The following TSKU variants were observed in gnomAD, a reference collection of about 807,000 sequenced individuals.
TSKU encodes tsukushi.
A neutral mutation model predicts 11.2 loss-of-function variants in TSKU; 4 were observed. The ratio of observed to expected loss-of-function variants is 0.36; its 90% CI spans 0.18 to 0.82. The LOEUF is 0.82. Among genes scored for constraint, TSKU ranks in the 40% least tolerant of loss-of-function variants. The probability of loss-of-function intolerance (pLI) is 0.50; values close to 1 mark genes in which losing one functional copy is unlikely to be tolerated. For synonymous variants in TSKU, 220 were observed against 232.2 expected (o/e 0.95, Z 0.48); for missense variants, 407 against 482.5 (o/e 0.84, Z 1.47).
intron 1 of TSKU, among the ~76,000 whole-genome samples, chr11:76,790,304 T>G (rs1331909020): frequency 6.6e-6 from 1 of 152,038 alleles, no homozygotes; most frequent in African/African-American, 2.4e-5. Flanking sequence ...CAGGCACAGT[T>G]GCCCTGTCAC....
chr11:76,795,411 A>G (rs1370293175), intron 1 of TSKU, among the ~76,000 whole-genome samples, 198 bp from the exon 2 acceptor site: 2 of 152,204 alleles, frequency 1.3e-5, no homozygotes, highest in African/African-American at 4.8e-5. Flanking sequence ...ACCTGGCCTC[A>G]CGCCCCTTAC....
intron 1 of TSKU, among the ~76,000 whole-genome samples, chr11:76,783,996 C>A (rs1944275541): frequency 6.6e-6 from 1 of 152,190 alleles, no homozygotes; most frequent in African/African-American, 2.4e-5. Context: ...TCCTCCCCAC[C>A]GCTACCCGGC....
Position 76,796,147 on chromosome 11 carries a change from G to A in TSKU, c.531G>A (p.Thr177=), listed in dbSNP as rs755743047. The A allele has an allele frequency of 1.1e-5, 17 of 1,613,536 alleles. No individual in the cohort carries two copies. Among genetic ancestry groups the A allele is most frequent in the African/African-American group, 4.0e-5 (3 of 74,998 alleles). The change falls in exon 2 of 2, where the codon ACG becomes ACA. Residue 177 remains threonine (T), a synonymous_variant. Coordinates refer to ENST00000333090, the MANE Select transcript of TSKU (RefSeq NM_015516.4). This position sits in a 1 kb window ranked among gnomAD's most constrained non-coding sequence, Gnocchi z 4.1. ...NLIHRLVPHP[T]RAGLPAPTIQ... ...TTCACCGCCTCGTGCCCCACCCCAC[G>A]AGGGCCGGCCTGCCTGCGCCCACCA...
intron 1 of TSKU, among the ~76,000 whole-genome samples, chr11:76,791,601 C>T (rs150388531): frequency 4.1e-4 from 63 of 152,358 alleles, no homozygotes; most frequent in African/African-American, 1.3e-3. Flanking sequence ...CCCAAGACTT[C>T]GCAGGTTCCA....
intron 1 of TSKU, among the ~76,000 whole-genome samples, chr11:76,790,027 A>T (rs1236388461): frequency 1.5e-5 from 1 of 67,704 alleles, no homozygotes. Flanking sequence ...TCCCATCACC[A>T]CCCACCCCCC....
chr11:76,797,355 A>T lies in TSKU; in HGVS notation c.*677A>T, dbSNP rs1399738726. 6.0e-6 allele frequency: 1 copy of T among 167,036 alleles called. No homozygotes were observed. Among genetic ancestry groups the T allele is most frequent in the Non-Finnish European group, 1.5e-5 (1 of 68,156 alleles). The allele number at this position is 167,036 out of a possible 1,614,324, so 10.3% of individuals were successfully genotyped here. A position where few individuals can be genotyped will look rare whatever the true frequency, so the allele number is the denominator to read the frequency against. ...ATGCACTTTCTTGTCTCCTCTAATA[A>T]GCCCCACCCTCCCCGCCTGGGCTCC... is the stretch of plus-strand genomic sequence containing the variant. On this transcript the variant is annotated 3_prime_UTR_variant, in exon 2 of 2. Coordinates refer to ENST00000333090, the MANE Select transcript of TSKU (RefSeq NM_015516.4).
At chr11:76,787,185 G>A (rs908332102) in intron 1 of TSKU, among the ~76,000 whole-genome samples, 2 of 152,182 alleles carry the variant, frequency 1.3e-5, no homozygotes, top group Non-Finnish European at 2.9e-5. Flanking sequence ...GCCCTGTTGG[G>A]TTGGAACCCA....
At chr11:76,783,670 C>G (rs1170683157) in intron 1 of TSKU, among the ~76,000 whole-genome samples, 2 of 152,196 alleles carry the variant, frequency 1.3e-5, no homozygotes, top group Non-Finnish European at 2.9e-5. Context: ...ACGTGCATCT[C>G]ACGTTTGTGG....
chr11:76,795,584 T>A, intron 1 of TSKU, 25 bp from the exon 2 acceptor site: 6 of 1,596,250 alleles, frequency 3.8e-6, no homozygotes, highest in Non-Finnish European at 5.1e-6. Flanking sequence ...GTGCATTCAT[T>A]CCTCACCTGT....
chr11:76,785,024 C>T (rs1455132020), intron 1 of TSKU, among the ~76,000 whole-genome samples: 1 of 152,150 alleles, frequency 6.6e-6, no homozygotes, highest in Non-Finnish European at 1.5e-5. Flanking sequence ...ATCCCAGAAC[C>T]CAGAAACACT....
Position 76,796,643 on chromosome 11 carries a change from C to G in TSKU, c.1027C>G (p.Arg343Gly). The change falls in exon 2 of 2, where the codon CGG (arginine) becomes GGG (glycine). Residue 343 changes from arginine to glycine, a missense_variant. Transcript: ENST00000333090. The surrounding 1 kb of genome is among the most constrained non-coding windows in gnomAD (Gnocchi z 4.1). ...GGTGGCCCTGCACTGCGTAGACACC[C>G]GGGATTCTGCTGCCAGGGGCCCCAC... ...PKVALHCVDT[R>G]DSAARGPTIL 1 of 1,453,892 alleles carries G rather than the reference C, an allele frequency of 6.9e-7. No individual in the cohort carries two copies. Among genetic ancestry groups the G allele is most frequent in the South Asian group, 1.5e-5 (1 of 68,698 alleles). 90.1% of individuals were successfully genotyped at this position (1,453,892 alleles called of 1,614,324 possible).
chr11:76,786,698 T>C (rs534485107), intron 1 of TSKU, among the ~76,000 whole-genome samples: 1 of 152,122 alleles, frequency 6.6e-6, no homozygotes, highest in Non-Finnish European at 1.5e-5. Context: ...GGGAAGACAG[T>C]GACCCCAACT....
Position 76,796,574 on chromosome 11 carries a change from G to A in TSKU, c.958G>A (p.Val320Met). The A allele has an allele frequency of 6.4e-7, 1 of 1,566,830 alleles. No individual in the cohort carries two copies. The highest frequency in any genetic ancestry group is 8.7e-7 in the Non-Finnish European group (1 of 1,154,806). The change falls in exon 2 of 2, where the codon GTG (valine) becomes ATG (methionine). Residue 320 changes from valine (V) to methionine (M), a missense_variant. Transcript: ENST00000333090. The surrounding 1 kb of genome is among the most constrained non-coding windows in gnomAD (Gnocchi z 4.1). ...VGQDVRCRRL[V>M]REGTYPRRPG... ...CCAGGATGTGCGGTGCCGGCGCCTGGTGCGGGAGGGCACCTACCCCCGGAG... is the reference window on the plus strand; with the variant it reads ...CCAGGATGTGCGGTGCCGGCGCCTGATGCGGGAGGGCACCTACCCCCGGAG...
Position 76,796,371 on chromosome 11 carries a change from A to G in TSKU, c.755A>G (p.Glu252Gly), listed in dbSNP as rs2134407371. ...LPELAPSGFRELPGLQVLDLS... is the reference protein window; with the variant it reads ...LPELAPSGFRGLPGLQVLDLS... ...GAGCTGGCGCCCAGTGGCTTCCGTG[A>G]GCTACCGGGCCTGCAGGTCCTGGAC... Residue 252 changes from glutamate to glycine, a missense_variant, in exon 2 of 2, where the codon GAG becomes GGG. Physicochemically the swap from Glu to Gly is moderately conservative, Grantham distance 98 (BLOSUM62 -2). Coordinates refer to ENST00000333090, the MANE Select transcript of TSKU (RefSeq NM_015516.4). The surrounding 1 kb of genome is among the most constrained non-coding windows in gnomAD (Gnocchi z 4.1). 6.2e-7 allele frequency: 1 copy of G among 1,613,266 alleles called. No homozygotes were observed. The highest frequency in any genetic ancestry group is 1.1e-5 in the South Asian group (1 of 91,080).
chr11:76,788,409 C>T (rs1944332964), intron 1 of TSKU, among the ~76,000 whole-genome samples: 2 of 152,002 alleles, frequency 1.3e-5, no homozygotes, highest in African/African-American at 4.8e-5. Flanking sequence ...AGAGAGCTGT[C>T]CTTATCAGCA....
chr11:76,785,880 C>T (rs1944306906), intron 1 of TSKU, among the ~76,000 whole-genome samples: 1 of 152,242 alleles, frequency 6.6e-6, no homozygotes, highest in South Asian at 2.1e-4. Flanking sequence ...CCCATTGCTT[C>T]CTACCTCTGT....
chr11:76,795,208 A>G (rs1944423557), intron 1 of TSKU, among the ~76,000 whole-genome samples: 1 of 152,194 alleles, frequency 6.6e-6, no homozygotes, highest in South Asian at 2.1e-4. Flanking sequence ...CTGGACCATC[A>G]GAGCTGGAGA....
intron 1 of TSKU, among the ~76,000 whole-genome samples, chr11:76,789,640 C>G (rs1248296182): frequency 6.6e-6 from 1 of 152,242 alleles, no homozygotes. Context: ...AGCCCTTGTC[C>G]TCCTGTTCTT....
chr11:76,785,693 T>C (rs10899280), intron 1 of TSKU, among the ~76,000 whole-genome samples: 42,382 of 152,000 alleles, frequency 0.28, 6,491 homozygotes, highest in African/African-American at 0.4. Flanking sequence ...GAAGGGGGAT[T>C]TGAGCCTGTA....
Sources: gnomAD v4.1 joint callset for allele counts (sites outside exome capture counted in the v4.1 genomes callset) on GRCh38, gnomAD v4.1.1 for gene constraint, Gnocchi (gnomAD v3.1) non-coding constraint, MANE v1.5 for transcripts, NCBI Gene and HGNC (gene_info 2026-07-23, HGNC 2026-07-21) for gene names.